Variants in MKLN1 observed in about 807,000 individuals in gnomAD.
The protein encoded by MKLN1 is muskelin.
A neutral mutation model predicts 99.0 loss-of-function variants in MKLN1; 18 were observed. The ratio of observed to expected loss-of-function variants is 0.18; its 90% confidence interval spans 0.13 to 0.27. MKLN1 has a LOEUF of 0.27. Ranked by LOEUF, MKLN1 falls within the 10% of genes least tolerant of loss-of-function variation. The probability of loss-of-function intolerance (pLI) is 1.00; values close to 1 mark genes in which losing one functional copy is unlikely to be tolerated. For missense variants in MKLN1, 621 were observed against 875.9 expected (o/e 0.71, Z 3.67); for synonymous variants, 288 against 293.2 (o/e 0.98, Z 0.18).
At chr7:131,366,072 A>G (rs1048256968) in intron 1 of MKLN1, among the ~76,000 whole-genome samples, 4 of 152,132 alleles carry the variant, frequency 2.6e-5, no homozygotes, top group Admixed American at 2.0e-4. Context: ...GTGCAATTCA[A>G]CTCCCCTGAT....
chr7:131,468,735 C>T (rs866733314), intron 15 of MKLN1, among the ~76,000 whole-genome samples: 7 of 152,120 alleles, frequency 4.6e-5, no homozygotes, highest in Admixed American at 1.3e-4. Context: ...AAATACGATT[C>T]TAGGCTGCAG....
chr7:131,347,516 A>G (rs959203844), intron 1 of MKLN1, among the ~76,000 whole-genome samples: 1 of 152,068 alleles, frequency 6.6e-6, no homozygotes, highest in Non-Finnish European at 1.5e-5. Flanking sequence ...AAAGACAAAA[A>G]ACCCTTACTT....
chr7:131,135,268 G>A (rs1415384779), intron 1 of MKLN1, among the ~76,000 whole-genome samples: 3 of 152,072 alleles, frequency 2.0e-5, no homozygotes, highest in Non-Finnish European at 4.4e-5. Flanking sequence ...GACTACAGGC[G>A]CCCACCACCA....
At chr7:131,328,666 C>T (rs573781125) in intron 1 of MKLN1, among the ~76,000 whole-genome samples, 190 of 152,240 alleles carry the variant, frequency 1.2e-3, no homozygotes, top group Admixed American at 3.8e-3. Flanking sequence ...TATTACGGCT[C>T]ATTAGAAGAT....
chr7:131,180,481 C>G (rs891066230), intron 2 of MKLN1, among the ~76,000 whole-genome samples: 1 of 152,004 alleles, frequency 6.6e-6, no homozygotes, highest in African/African-American at 2.4e-5. Context: ...GGCGGATCAC[C>G]TGAGGTCAGG....
chr7:131,443,072 T>C (rs1334306456), intron 10 of MKLN1, among the ~76,000 whole-genome samples: 1 of 152,230 alleles, frequency 6.6e-6, no homozygotes, highest in Non-Finnish European at 1.5e-5. Flanking sequence ...CTTATTTGCA[T>C]ATCTGATCGC....
chr7:131,350,697 G>C (rs962811638), intron 1 of MKLN1, among the ~76,000 whole-genome samples: 24 of 152,362 alleles, frequency 1.6e-4, no homozygotes, highest in African/African-American at 5.5e-4. Context: ...TGCTAGTGAA[G>C]TGGAAGTCAC....
At chr7:131,353,239 A>T (rs1363745777) in intron 1 of MKLN1, among the ~76,000 whole-genome samples, 1 of 152,120 alleles carries the variant, frequency 6.6e-6, no homozygotes, top group Non-Finnish European at 1.5e-5. Context: ...TGTATGAGGG[A>T]TCCAGTTTCT....
rs545846386 is a variant in MKLN1 at position 131,328,120 on chromosome 7, G to T, written c.98+123G>T. 3.1e-4 allele frequency: 367 copies of T among 1,196,030 alleles called. 2 individuals are homozygous for T. Among genetic ancestry groups the T allele is most frequent in the Non-Finnish European group, 3.7e-4 (317 of 854,454 alleles). 74.1% of individuals were successfully genotyped at this position (1,196,030 alleles called of 1,614,324 possible). A position where few individuals can be genotyped will look rare whatever the true frequency, so the allele number is the denominator to read the frequency against. On this transcript the variant is annotated intron_variant, in intron 1 of 17. Transcript: ENST00000352689. ...GCGGGGCCTGCTGAGGGGGACGTGCGGCCTCCGGAGTCTTAGTTCAGCTGC... is the reference window on the plus strand; with the variant it reads ...GCGGGGCCTGCTGAGGGGGACGTGCTGCCTCCGGAGTCTTAGTTCAGCTGC...
chr7:131,187,433 A>G (rs1796468430), intron 2 of MKLN1, among the ~76,000 whole-genome samples: 1 of 152,144 alleles, frequency 6.6e-6, no homozygotes, highest in Admixed American at 6.5e-5. Flanking sequence ...AGCAGAGGTC[A>G]GCAAACTATG....
chr7:131,197,334 G>T (rs1292996836), intron 2 of MKLN1, among the ~76,000 whole-genome samples: 2 of 151,380 alleles, frequency 1.3e-5, no homozygotes, highest in Non-Finnish European at 2.9e-5. Context: ...CCCCTGAATA[G>T]CTGGGACTAC....
chr7:131,406,036 A>G (rs562923988), intron 6 of MKLN1, among the ~76,000 whole-genome samples: 13 of 152,196 alleles, frequency 8.5e-5, no homozygotes, highest in Middle Eastern at 3.4e-3. Flanking sequence ...TCATCGAATT[A>G]TATGTTTCCT....
At chr7:131,342,814 G>C (rs772419179) in intron 1 of MKLN1, among the ~76,000 whole-genome samples, 1 of 152,158 alleles carries the variant, frequency 6.6e-6, no homozygotes, top group Non-Finnish European at 1.5e-5. Flanking sequence ...GCTATGATGG[G>C]TGACAGGTTA....
chr7:131,249,972 G>A (rs1023879046), intron 3 of MKLN1, among the ~76,000 whole-genome samples: 6 of 152,158 alleles, frequency 3.9e-5, no homozygotes, highest in Non-Finnish European at 7.4e-5. Flanking sequence ...TTTTGAGGAC[G>A]TTTTCTCAGT....
chr7:131,245,300 G>A (rs866221339), intron 3 of MKLN1, among the ~76,000 whole-genome samples: 15 of 133,980 alleles, frequency 1.1e-4, no homozygotes, highest in South Asian at 2.4e-4. Flanking sequence ...ACAGAGTCTC[G>A]CTCTGTTGCC....
At chr7:131,234,846 T>C (rs1281709272) in intron 3 of MKLN1, among the ~76,000 whole-genome samples, 1 of 152,166 alleles carries the variant, frequency 6.6e-6, no homozygotes, top group Non-Finnish European at 1.5e-5. Context: ...CAGACAACTT[T>C]CTCTGCTTGT....
intron 3 of MKLN1, among the ~76,000 whole-genome samples, chr7:131,286,150 A>T (rs1022029861): frequency 6.6e-6 from 1 of 152,098 alleles, no homozygotes; most frequent in African/African-American, 2.4e-5. Flanking sequence ...GGGTTTCACC[A>T]TGTTGGCCAG....
At chr7:131,428,222 A>G (rs1795416690) in intron 8 of MKLN1, among the ~76,000 whole-genome samples, 1 of 152,154 alleles carries the variant, frequency 6.6e-6, no homozygotes, top group Non-Finnish European at 1.5e-5. Context: ...ACACAATGTT[A>G]TATGTAAAGA....
intron 1 of MKLN1, among the ~76,000 whole-genome samples, chr7:131,134,084 C>G (rs148328472): frequency 3.3e-5 from 5 of 152,030 alleles, no homozygotes; most frequent in Non-Finnish European, 7.4e-5. Context: ...CCTGCCTCGG[C>G]CTCCCAAAGT....
Sources: gnomAD v4.1 joint callset for allele counts (sites outside exome capture counted in the v4.1 genomes callset) on GRCh38, gnomAD v4.1.1 for gene constraint, MANE v1.5 for transcripts, NCBI Gene and HGNC (gene_info 2026-07-23, HGNC 2026-07-21) for gene names.